HEATR1: variants seen among roughly 807,000 people sequenced by gnomAD.
The protein encoded by HEATR1 is HEAT repeat-containing protein 1.
A neutral mutation model predicts 248.2 loss-of-function variants in HEATR1; 77 were observed. The observed-to-expected ratio is 0.31, with a 90% confidence interval of 0.26 to 0.37. The LOEUF is 0.37. Ranked by LOEUF, HEATR1 falls within the 10% of genes least tolerant of loss-of-function variation. The pLI is 1.00. For missense variants in HEATR1, 2,420 were observed against 2,504.9 expected, an observed-to-expected ratio of 0.97 and a Z score of 0.72; for synonymous variants, 897 against 923.1, an observed-to-expected ratio of 0.97 and a Z score of 0.51.
chr1:236,603,353 G>C lies in HEATR1; in HGVS notation c.166C>G (p.Leu56Val). 6.2e-7 allele frequency: 1 copy of C among 1,613,994 alleles called. No individual in the cohort carries two copies. The highest frequency in any genetic ancestry group is 8.5e-7 in the Non-Finnish European group (1 of 1,180,010). Reference sequence around the variant, plus strand: ...TGCTCAAAGGAAGGATCAATTCCAAGCAACTCTTCCAGGCCAGTACATCCT... The same window carrying C: ...TGCTCAAAGGAAGGATCAATTCCAACCAACTCTTCCAGGCCAGTACATCCT... ...AIGCTGLEEL[L>V]GIDPSFEQFE... is the part of the protein sequence containing the mutation. The change falls in exon 3 of 45, where the codon CTT becomes GTT. Residue 56 changes from leucine to valine, a missense_variant. Coordinates refer to ENST00000366582, the MANE Select transcript of HEATR1 (RefSeq NM_018072.6).
rs1490792758 is a variant in HEATR1 at position 236,585,006 on chromosome 1, G to C, written c.2241+19C>G. On this transcript the variant is annotated intron_variant, in intron 17 of 44. Transcript: ENST00000366582. ...GTTTTATTCAACATCCCACTTTCTG[G>C]AGATTCTGCTTTCCTTACCACTGCA... 2 of 1,593,346 alleles carry C rather than the reference G, an allele frequency of 1.3e-6. No individual in the cohort carries two copies. The highest frequency in any genetic ancestry group is 2.3e-5 in the South Asian group (2 of 87,646).
chr1:236,590,871 C>A lies in HEATR1; in HGVS notation c.1506G>T (p.Leu502Phe). The A allele has an allele frequency of 1.3e-6, 2 of 1,513,826 alleles. No homozygotes were observed. Among genetic ancestry groups the A allele is most frequent in the Admixed American group, 2.0e-5 (1 of 49,568 alleles). 93.8% of individuals were successfully genotyped at this position (1,513,826 alleles called of 1,614,324 possible). A position where few individuals can be genotyped will look rare whatever the true frequency, so the allele number is the denominator to read the frequency against. The change falls in exon 12 of 45, where the codon TTG (leucine) becomes TTT (phenylalanine). Residue 502 changes from leucine to phenylalanine, a missense_variant. Physicochemically the swap from Leu to Phe is conservative, Grantham distance 22 (BLOSUM62 0). Coordinates refer to ENST00000366582, the MANE Select transcript of HEATR1 (RefSeq NM_018072.6). ...APVRILAMNH[L>F]KKIMKTSKEG... ...CCTTTGATGTTTTCATGATCTTTTT[C>A]AAATGATTCATGGCCAGAATTCTCA...
In HEATR1 at chr1:236,585,055, T is replaced by C; in HGVS notation, c.2211A>G (p.Ile737Met). The change falls in exon 17 of 45, where the codon ATA becomes ATG. Residue 737 changes from isoleucine (I) to methionine (M), a missense_variant. Ile to Met is a conservative substitution (Grantham distance 10, BLOSUM62 1). Transcript: ENST00000366582. ...IRVFSLLQKK[I>M]KKLESVITAV... is the part of the protein sequence containing the mutation. ...CAGTAATGACACTTTCAAGCTTCTT[T>C]ATTTTTTTCTGCAACAAACTGAAGA... 2 of 1,613,364 alleles carry C rather than the reference T, an allele frequency of 1.2e-6. No homozygotes were observed. Among genetic ancestry groups the C allele is most frequent in the Non-Finnish European group, 1.7e-6 (2 of 1,179,790 alleles).
intron 41 of HEATR1, 33 bp downstream of exon 41, chr1:236,555,263 A>C: frequency 6.2e-7 from 1 of 1,608,898 alleles, no homozygotes; most frequent in African/African-American, 1.3e-5. Context: ...CACACAGGGC[A>C]AGGGTGACAG....
At chr1:236,599,216 T>C (rs1282648330) in intron 4 of HEATR1, among the ~76,000 whole-genome samples, 3 of 152,228 alleles carry the variant, frequency 2.0e-5, no homozygotes, top group Non-Finnish European at 2.9e-5. Context: ...ATGTGAACTT[T>C]GGCAAGTAGC....
At chr1:236,603,592 CT>C (rs55829950) in intron 2 of HEATR1, among the ~76,000 whole-genome samples, 68,546 of 127,224 alleles carry the variant, frequency 0.54, 18,099 homozygotes, top group Non-Finnish European at 0.65. Flanking sequence ...GCAGGGAACA[CT>C]TTTTTTTTTT....
intron 30 of HEATR1, among the ~76,000 whole-genome samples, 173 bp from the exon 31 acceptor site, chr1:236,566,218 G>A (rs1558181038): frequency 1.3e-5 from 2 of 152,072 alleles, no homozygotes; most frequent in East Asian, 1.9e-4. Context: ...AATGGTCCTC[G>A]ACTTATCCAA....
intron 32 of HEATR1, among the ~76,000 whole-genome samples, chr1:236,563,344 C>T (rs922005932): frequency 1.3e-5 from 2 of 151,878 alleles, no homozygotes; most frequent in Admixed American, 6.6e-5. Context: ...TGCATTGGCT[C>T]GATCTTGGCT....
At position 236,603,349 on chromosome 1, in the gene HEATR1, C is replaced by G; in HGVS notation, c.170G>C (p.Gly57Ala). 6.2e-7 allele frequency: 1 copy of G among 1,614,026 alleles called. No individual in the cohort carries two copies. Among genetic ancestry groups the G allele is most frequent in the Non-Finnish European group, 8.5e-7 (1 of 1,180,008 alleles). ...IGCTGLEELL[G>A]IDPSFEQFEA... ...AAACTGCTCAAAGGAAGGATCAATT[C>G]CAAGCAACTCTTCCAGGCCAGTACA... Residue 57 changes from glycine (G) to alanine (A), a missense_variant, in exon 3 of 45, where the codon GGA becomes GCA. By Grantham distance (60) the Gly-to-Ala change is moderately conservative (BLOSUM62 0). Coordinates refer to ENST00000366582, the MANE Select transcript of HEATR1 (RefSeq NM_018072.6).
At chr1:236,569,224 G>T in intron 28 of HEATR1, 100 bp from the exon 29 acceptor site, 3 of 894,316 alleles carry the variant, frequency 3.4e-6, no homozygotes, top group Non-Finnish European at 4.9e-6. Context: ...AGGCTGGGAT[G>T]CAGTGCAGTT....
At chr1:236,568,530 CCT>C (rs1393255125) in intron 29 of HEATR1, among the ~76,000 whole-genome samples, 1 of 152,148 alleles carries the variant, frequency 6.6e-6, no homozygotes, top group Non-Finnish European at 1.5e-5. Flanking sequence ...GAACATCTCA[CCT>C]CTCTCTCTGA....
chr1:236,571,697 C>T lies in HEATR1; in HGVS notation c.3708-11G>A, dbSNP rs373428457. ...AAGGGTTCTAAACATCTTCAGGACA[C>T]CCAAAAGAGAAATGATGGGAAATGT... On this transcript the variant is annotated splice_polypyrimidine_tract_variant and intron_variant, in intron 26 of 44. Coordinates refer to ENST00000366582, the MANE Select transcript of HEATR1 (RefSeq NM_018072.6). The T allele has an allele frequency of 2.7e-5, 42 of 1,563,604 alleles. No homozygotes were observed. The highest frequency in any genetic ancestry group is 3.5e-5 in the Non-Finnish European group (40 of 1,134,824).
chr1:236,558,432 GCTGT>G lies in HEATR1; in HGVS notation c.5005_5008del (p.Thr1669ArgfsTer5). The G allele has an allele frequency of 6.2e-7, 1 of 1,614,066 alleles. No individual in the cohort carries two copies. Among genetic ancestry groups the G allele is most frequent in the Non-Finnish European group, 8.5e-7 (1 of 1,179,928 alleles). On this transcript the variant is annotated frameshift_variant, in exon 36 of 45. Transcript: ENST00000366582. LOFTEE classifies it high-confidence loss of function. ...GCATAAAAGCTTTAAGGTATACAACGCTGTCTGTCTGTTGATTGCTTGTTCTTCT... is the reference window on the plus strand; with the variant it reads ...GCATAAAAGCTTTAAGGTATACAACGCTGTCTGTTGATTGCTTGTTCTTCT...
At position 236,591,894 on chromosome 1, in the gene HEATR1, C is replaced by T. The variant is rs1239692888; in HGVS notation, c.1422+99G>A. On this transcript the variant is annotated intron_variant, in intron 11 of 44. Coordinates refer to ENST00000366582, the MANE Select transcript of HEATR1 (RefSeq NM_018072.6). ...AGAAGGTTATCTCTGTAAAATTTTC[C>T]ACACAAGGGAAAAAAGTGGCAAATT... The T allele has an allele frequency of 9.0e-6, 6 of 664,238 alleles. No individual in the cohort carries two copies. In the East Asian group the frequency reaches 1.0e-4, roughly 11 times the overall value. The allele number at this position is 664,238 out of a possible 1,614,324, so 41.1% of individuals were successfully genotyped here. A position where few individuals can be genotyped will look rare whatever the true frequency, so the allele number is the denominator to read the frequency against.
chr1:236,562,343 T>C (rs1267295521), intron 32 of HEATR1, among the ~76,000 whole-genome samples: 1 of 152,234 alleles, frequency 6.6e-6, no homozygotes, highest in Non-Finnish European at 1.5e-5. Context: ...GTCACAATCA[T>C]GTTCTCCTTG....
chr1:236,559,483 G>A (rs915104474), intron 34 of HEATR1, among the ~76,000 whole-genome samples: 5 of 152,106 alleles, frequency 3.3e-5, no homozygotes, highest in African/African-American at 4.8e-5. Context: ...TATATTATAT[G>A]ACTTAATTAT....
At chr1:236,597,517 T>C (rs1478873483) in intron 5 of HEATR1, among the ~76,000 whole-genome samples, 1 of 152,092 alleles carries the variant, frequency 6.6e-6, no homozygotes, top group Non-Finnish European at 1.5e-5. Context: ...CCTCCCAAAG[T>C]GTTGGGATTA....
chr1:236,599,623 ACCTGGGG>A lies in HEATR1; in HGVS notation c.360-6_360del. On this transcript the variant is annotated splice_acceptor_variant and splice_polypyrimidine_tract_variant and coding_sequence_variant and intron_variant, in exon 4 of 45. Transcript: ENST00000366582. LOFTEE classifies it high-confidence loss of function. Reference sequence around the variant, plus strand: ...TCTTGATTATAGAGATGTATATGGAACCTGGGGAAAAAAAGCAAACAGTCCAACTGAA... The same window carrying A: ...TCTTGATTATAGAGATGTATATGGAAAAAAAAAGCAAACAGTCCAACTGAA... 1 of 1,602,430 alleles carries A rather than the reference ACCTGGGG, an allele frequency of 6.2e-7. No homozygotes were observed. The highest frequency in any genetic ancestry group is 1.3e-5 in the African/African-American group (1 of 74,512).
intron 20 of HEATR1, 29 bp downstream of exon 20, chr1:236,581,193 A>G (rs1663728737): frequency 6.4e-7 from 1 of 1,556,726 alleles, no homozygotes; most frequent in Non-Finnish European, 8.8e-7. Context: ...GTTGGTCATG[A>G]CAAAACATAA....
Sources: gnomAD v4.1 joint callset for allele counts (sites outside exome capture counted in the v4.1 genomes callset) on GRCh38, gnomAD v4.1.1 for gene constraint, MANE v1.5 for transcripts, NCBI Gene and HGNC (gene_info 2026-07-23, HGNC 2026-07-21) for gene names.